STK32B: variants seen among roughly 807,000 people sequenced by gnomAD.
The protein encoded by STK32B is serine/threonine-protein kinase 32B.
Under a neutral mutation model 52.6 loss-of-function variants are expected in STK32B, and 43 were observed. That is an observed-to-expected ratio of 0.82 (90% CI 0.64 to 1.05). The LOEUF (loss-of-function observed/expected upper bound fraction) is 1.05. STK32B is among the 50% of genes least tolerant of loss of function. The pLI is 0.00. For missense variants in STK32B, 621 were observed against 534.6 expected (o/e 1.16, Z -1.59); for synonymous variants, 238 against 204.3 (o/e 1.17, Z -1.41).
rs529111677 is a variant in STK32B at position 5,348,184 on chromosome 4, C to T, written c.434+16791C>T. On this transcript the variant is annotated intron_variant, in intron 4 of 11. Transcript: ENST00000282908. ...AGAGACCCCTCAGGGGTCCAGATTC[C>T]CACAACAGATTCCTACAGTCCTAGC... is the stretch of plus-strand genomic sequence containing the variant. Among the ~76,000 whole-genome samples, 9 of 152,234 alleles carry T rather than the reference C, an allele frequency of 5.9e-5. No individual in the cohort carries two copies. In the East Asian group the frequency reaches 1.7e-3, roughly 29 times the overall value.
Position 5,455,676 on chromosome 4 carries a change from G to A in STK32B, c.667-1131G>A, listed in dbSNP as rs529732850. ...GGCGTCTGACTCAGGGTCAGCGTTC[G>A]CTCAGCACCTGCGGAGGGACTGAGA... is the stretch of plus-strand genomic sequence containing the variant. On this transcript the variant is annotated intron_variant, in intron 7 of 11. Coordinates refer to ENST00000282908, the MANE Select transcript of STK32B (RefSeq NM_018401.3). Among the ~76,000 whole-genome samples, 57 of 152,192 alleles carry A rather than the reference G, an allele frequency of 3.7e-4. 2 individuals are homozygous for A. The highest frequency in any genetic ancestry group is 6.2e-4 in the South Asian group (3 of 4,802).
intron 4 of STK32B, among the ~76,000 whole-genome samples, chr4:5,361,866 G>T (rs1734568722): frequency 6.6e-6 from 1 of 152,132 alleles, no homozygotes. Context: ...TTAGGAGATG[G>T]CTACAAATAT....
chr4:5,188,467 C>T (rs180766386), intron 3 of STK32B, among the ~76,000 whole-genome samples: 68 of 152,252 alleles, frequency 4.5e-4, no homozygotes, highest in African/African-American at 1.6e-3. Context: ...CACCTCCCAC[C>T]CCTGCTAGGT....
At position 5,500,162 on chromosome 4, in the gene STK32B, A is replaced by G. The variant is rs1319800316; in HGVS notation, c.*1079A>G. 3 of 152,234 alleles carry G rather than the reference A, an allele frequency of 2.0e-5. No individual in the cohort carries two copies. Among genetic ancestry groups the G allele is most frequent in the African/African-American group, 7.2e-5 (3 of 41,458 alleles). The allele number at this position is 152,234 out of a possible 1,614,324, so 9.4% of individuals were successfully genotyped here. On this transcript the variant is annotated 3_prime_UTR_variant, in exon 12 of 12. Transcript: ENST00000282908. ...CTGGAAGATGTTGGGATGAGCAGGGAAAGCTTAGACTTTGGAGTCAGGTTT... is the reference window on the plus strand; with the variant it reads ...CTGGAAGATGTTGGGATGAGCAGGGGAAGCTTAGACTTTGGAGTCAGGTTT...
At chr4:5,199,476 C>T (rs1005039886) in intron 3 of STK32B, among the ~76,000 whole-genome samples, 2 of 151,532 alleles carry the variant, frequency 1.3e-5, no homozygotes, top group Non-Finnish European at 2.9e-5. Context: ...CATTATAAAT[C>T]AGCTTTGTGA....
At chr4:5,029,432 G>C in the STK32B span, among the ~76,000 whole-genome samples, 3 of 152,298 alleles carry the variant, frequency 2.0e-5, no homozygotes, top group Admixed American at 2.0e-4. Context: ...ACCCAGTGTT[G>C]CTGGCTTGAC....
At chr4:5,438,201 T>A in intron 6 of STK32B, 2 of 910,108 alleles carry the variant, frequency 2.2e-6, no homozygotes, top group Non-Finnish European at 2.6e-6. Flanking sequence ...CCCTCAGGAC[T>A]GAGAAGAGGA....
chr4:5,064,417 AATAT>A (rs947519651), intron 1 of STK32B, among the ~76,000 whole-genome samples: 4 of 119,178 alleles, frequency 3.4e-5, no homozygotes, highest in Non-Finnish European at 6.7e-5. Context: ...ATAATATATA[AATAT>A]ATACTTATAT....
At chr4:5,349,193 A>T (rs1365501052) in intron 4 of STK32B, among the ~76,000 whole-genome samples, 1 of 152,144 alleles carries the variant, frequency 6.6e-6, no homozygotes, top group Non-Finnish European at 1.5e-5. Flanking sequence ...GCCTGGAACA[A>T]ATAAAGCCAG....
intron 3 of STK32B, among the ~76,000 whole-genome samples, chr4:5,194,104 C>T (rs1301957005): frequency 6.6e-6 from 1 of 152,134 alleles, no homozygotes; most frequent in Non-Finnish European, 1.5e-5. Context: ...CTCTCACTTG[C>T]CTGTTTGATT....
intron 3 of STK32B, among the ~76,000 whole-genome samples, chr4:5,280,296 T>C (rs1335317727): frequency 6.6e-6 from 1 of 152,194 alleles, no homozygotes; most frequent in African/African-American, 2.4e-5. Context: ...AAGAGTGACC[T>C]TTACTCCAGT....
intron 6 of STK32B, among the ~76,000 whole-genome samples, chr4:5,421,355 G>T (rs905244684): frequency 3.3e-5 from 5 of 152,050 alleles, no homozygotes; most frequent in Non-Finnish European, 7.4e-5. Context: ...CTCCCAAAGT[G>T]CTGGGATTAC....
chr4:5,258,829 T>C (rs1726510910), intron 3 of STK32B, among the ~76,000 whole-genome samples: 1 of 152,176 alleles, frequency 6.6e-6, no homozygotes, highest in Non-Finnish European at 1.5e-5. Flanking sequence ...CCAGGTCATG[T>C]CATTCCTCTC....
At chr4:5,452,517 CT>C (rs1053166209) in intron 7 of STK32B, among the ~76,000 whole-genome samples, 1 of 152,280 alleles carries the variant, frequency 6.6e-6, no homozygotes, top group Admixed American at 6.5e-5. Context: ...AGCTGTGCTT[CT>C]CAGACTCTAG....
intron 3 of STK32B, among the ~76,000 whole-genome samples, chr4:5,214,850 T>C (rs1160052100): frequency 2.6e-5 from 4 of 152,242 alleles, no homozygotes; most frequent in South Asian, 2.1e-4. Flanking sequence ...GAGAGAGGTA[T>C]GAACAAAGTG....
chr4:5,193,324 A>C (rs7682396), intron 3 of STK32B, among the ~76,000 whole-genome samples: 1,616 of 152,216 alleles, frequency 0.011, 30 homozygotes, highest in African/African-American at 0.034. Flanking sequence ...TTCCCCTGCA[A>C]ATGTGAATGA....
At chr4:5,031,730 T>G in the STK32B span, among the ~76,000 whole-genome samples, 2 of 152,178 alleles carry the variant, frequency 1.3e-5, no homozygotes, top group Non-Finnish European at 2.9e-5. Context: ...GAGGCCCAAA[T>G]GTGGGTTCAT....
intron 3 of STK32B, among the ~76,000 whole-genome samples, chr4:5,327,808 G>A (rs1731977059): frequency 6.6e-6 from 1 of 152,174 alleles, no homozygotes. Flanking sequence ...ACCCTTTGAA[G>A]CCAGGCATTG....
rs116790804 is a variant in STK32B at position 5,401,320 on chromosome 4, T to C, written c.472+3076T>C. ...CCTTTTACAAACCAATAACTGTGTATTGCTATTTCAAGAGTTCCATCATTG... is the reference window on the plus strand; with the variant it reads ...CCTTTTACAAACCAATAACTGTGTACTGCTATTTCAAGAGTTCCATCATTG... On this transcript the variant is annotated intron_variant, in intron 5 of 11. Transcript: ENST00000282908. 7.9e-3 allele frequency among the ~76,000 whole-genome samples: 1,203 copies of C among 152,286 alleles called. 21 individuals are homozygous for C. Among genetic ancestry groups the C allele is most frequent in the African/African-American group, 0.027 (1,120 of 41,546 alleles).
Sources: allele counts gnomAD v4.1 joint callset (sites outside exome capture counted in the v4.1 genomes callset), GRCh38; gene constraint gnomAD v4.1.1; transcripts MANE v1.5; gene names NCBI Gene and HGNC (gene_info 2026-07-23, HGNC 2026-07-21).